Variants in SORCS3 observed in about 807,000 individuals in gnomAD.
SORCS3 encodes the protein VPS10 domain-containing receptor SorCS3.
A neutral mutation model predicts 146.3 loss-of-function variants in SORCS3; 57 were observed. The observed-to-expected ratio is 0.39, with a 90% CI of 0.31 to 0.49. SORCS3 has a LOEUF of 0.49. Ranked by LOEUF, SORCS3 falls within the 20% of genes least tolerant of loss-of-function variation. SORCS3 has a pLI of 0.92. For missense variants in SORCS3, 1,341 were observed against 1,575.5 expected (o/e 0.85, Z 2.52); for synonymous variants, 653 against 618.5 (o/e 1.06, Z -0.83).
At chr10:105,117,050 A>C (rs879225630) in intron 7 of SORCS3, among the ~76,000 whole-genome samples, 1 of 152,158 alleles carries the variant, frequency 6.6e-6, no homozygotes, top group Non-Finnish European at 1.5e-5. Flanking sequence ...AGTTAAAAAA[A>C]AAAACAAAAC....
At chr10:105,142,992 C>A (rs1163764516) in intron 8 of SORCS3, among the ~76,000 whole-genome samples, 1 of 152,112 alleles carries the variant, frequency 6.6e-6, no homozygotes, top group Non-Finnish European at 1.5e-5. Flanking sequence ...GTGTCACGGC[C>A]ACACTTCTCA....
chr10:104,888,719 T>C (rs1002146106), intron 2 of SORCS3, among the ~76,000 whole-genome samples: 2 of 152,028 alleles, frequency 1.3e-5, no homozygotes, highest in Non-Finnish European at 1.5e-5. Flanking sequence ...TCAGTCAGAG[T>C]AGAGAAAGAC....
intron 2 of SORCS3, among the ~76,000 whole-genome samples, chr10:104,898,970 T>C (rs1393882244): frequency 6.6e-6 from 1 of 152,230 alleles, no homozygotes; most frequent in East Asian, 1.9e-4. Context: ...CCAAGATGCA[T>C]GTCCAGCCCT....
chr10:105,045,271 C>G (rs1457741107), intron 5 of SORCS3, among the ~76,000 whole-genome samples: 1 of 152,126 alleles, frequency 6.6e-6, no homozygotes, highest in African/African-American at 2.4e-5. Context: ...GTCATCCACC[C>G]TCTTCCTTTA....
At chr10:104,980,534 T>A (rs2054926161) in intron 4 of SORCS3, among the ~76,000 whole-genome samples, 1 of 152,206 alleles carries the variant, frequency 6.6e-6, no homozygotes, top group African/African-American at 2.4e-5. Flanking sequence ...GACTAGAGCC[T>A]TCTCTGATGT....
At chr10:105,122,972 G>T (rs1433236335) in intron 7 of SORCS3, among the ~76,000 whole-genome samples, 2 of 152,278 alleles carry the variant, frequency 1.3e-5, no homozygotes, top group East Asian at 3.9e-4. Flanking sequence ...GGGTGATCTT[G>T]GGCCATCACC....
chr10:104,754,020 G>A (rs1181108175), intron 1 of SORCS3, among the ~76,000 whole-genome samples: 2 of 152,150 alleles, frequency 1.3e-5, no homozygotes, highest in East Asian at 3.8e-4. Flanking sequence ...AATTTGCACT[G>A]GGCCAGGCAG....
At chr10:104,977,551 C>A in intron 4 of SORCS3, 58 bp downstream of exon 4, 1 of 1,469,412 alleles carries the variant, frequency 6.8e-7, no homozygotes, top group South Asian at 1.3e-5. Context: ...ATGTGAAAAT[C>A]ACTTGCTTGC....
chr10:104,904,857 G>A (rs951541431), intron 2 of SORCS3, among the ~76,000 whole-genome samples: 2 of 151,402 alleles, frequency 1.3e-5, no homozygotes, highest in African/African-American at 2.4e-5. Context: ...AGACTCTAGG[G>A]TGTGACATTC....
chr10:105,168,979 AG>A (rs1277825412), intron 13 of SORCS3, among the ~76,000 whole-genome samples: 1 of 152,154 alleles, frequency 6.6e-6, no homozygotes, highest in African/African-American at 2.4e-5. Context: ...GTTTTTTGGT[AG>A]TATCCAAAGA....
chr10:105,157,509 C>A (rs907480856), intron 10 of SORCS3, among the ~76,000 whole-genome samples: 4 of 152,164 alleles, frequency 2.6e-5, no homozygotes, highest in African/African-American at 9.7e-5. Context: ...ACTATGTGCT[C>A]CATCTCATAG....
intron 14 of SORCS3, among the ~76,000 whole-genome samples, chr10:105,189,863 G>A (rs905823560): frequency 5.9e-5 from 9 of 152,234 alleles, no homozygotes; most frequent in South Asian, 2.1e-4. Context: ...CCAACTGGAG[G>A]CTAAGCCAAT....
At chr10:104,838,665 T>C (rs1055832830) in intron 1 of SORCS3, among the ~76,000 whole-genome samples, 1 of 152,160 alleles carries the variant, frequency 6.6e-6, no homozygotes, top group East Asian at 1.9e-4. Flanking sequence ...AAGGTTAAAT[T>C]CAATGTAAAG....
At chr10:104,897,504 G>A (rs1306366203) in intron 2 of SORCS3, among the ~76,000 whole-genome samples, 2 of 152,170 alleles carry the variant, frequency 1.3e-5, no homozygotes, top group Non-Finnish European at 2.9e-5. Flanking sequence ...CAATTTTATA[G>A]ATAGTTGAAG....
intron 1 of SORCS3, among the ~76,000 whole-genome samples, chr10:104,713,005 A>G (rs1564665412): frequency 1.3e-5 from 2 of 152,212 alleles, no homozygotes; most frequent in South Asian, 4.1e-4. Context: ...AACAGGATTT[A>G]AAGTAACTGG....
intron 7 of SORCS3, 74 bp downstream of exon 7, chr10:105,105,589 T>C: frequency 9.5e-7 from 1 of 1,050,516 alleles, no homozygotes; most frequent in Non-Finnish European, 1.5e-6. Context: ...AAAAGGAGGG[T>C]GGCTTTCCCA....
chr10:105,109,048 G>A (rs1295646247), intron 7 of SORCS3, among the ~76,000 whole-genome samples: 2 of 152,078 alleles, frequency 1.3e-5, no homozygotes, highest in African/African-American at 2.4e-5. Flanking sequence ...TTGAGTATTT[G>A]TATTTTTGTT....
At chr10:104,956,896 G>A (rs2019498629) in intron 3 of SORCS3, among the ~76,000 whole-genome samples, 1 of 152,138 alleles carries the variant, frequency 6.6e-6, no homozygotes, top group Non-Finnish European at 1.5e-5. Flanking sequence ...ACACCAAAAT[G>A]AATACCCTGG....
chr10:104,704,169 C>CT (rs10694540), intron 1 of SORCS3, among the ~76,000 whole-genome samples: 127,384 of 137,762 alleles, frequency 0.92, 59,054 homozygotes, highest in East Asian at 0.96. Context: ...CCTTCTATGA[C>CT]TTTTTTTTTT....
Sources: gnomAD v4.1 joint callset for allele counts (sites outside exome capture counted in the v4.1 genomes callset) on GRCh38, gnomAD v4.1.1 for gene constraint, MANE v1.5 for transcripts, NCBI Gene and HGNC (gene_info 2026-07-23, HGNC 2026-07-21) for gene names.